Variants in RB1 observed in about 807,000 individuals in gnomAD.
RB1 encodes retinoblastoma-associated protein.
In RB1, 18 loss-of-function variants were observed where a neutral mutation model predicts 135.4. That is an observed-to-expected ratio of 0.13 (90% CI 0.09 to 0.20). The LOEUF (loss-of-function observed/expected upper bound fraction) is 0.20. Among genes scored for constraint, RB1 ranks in the 10% least tolerant of loss-of-function variants. The pLI is 1.00. For synonymous variants in RB1, 365 were observed against 373.2 expected (o/e 0.98, Z 0.25); for missense variants, 868 against 1,110.0 (o/e 0.78, Z 3.10).
Position 48,303,974 on chromosome 13 carries a change from C to G in RB1, c.62C>G (p.Pro21Arg), listed in dbSNP as rs1444353743. Reference protein sequence around the residue: ...ATAAAAAAEPPAPPPPPPPEE... With the variant: ...ATAAAAAAEPRAPPPPPPPEE... ...GCCGCCGCTGCCGCCGCGGAACCCCCGGCACCGCCGCCGCCGCCCCCTCCT... is the reference window on the plus strand; with the variant it reads ...GCCGCCGCTGCCGCCGCGGAACCCCGGGCACCGCCGCCGCCGCCCCCTCCT... Residue 21 changes from proline (P) to arginine (R), a missense_variant, in exon 1 of 27, where the codon CCG becomes CGG. By Grantham distance (103) the Pro-to-Arg change is moderately radical. Coordinates refer to ENST00000267163, the MANE Select transcript of RB1 (RefSeq NM_000321.3). 6.7e-7 allele frequency: 1 copy of G among 1,502,710 alleles called. No individual in the cohort carries two copies. The highest frequency in any genetic ancestry group is 8.8e-7 in the Non-Finnish European group (1 of 1,133,664). 93.1% of individuals were successfully genotyped at this position (1,502,710 alleles called of 1,614,324 possible).
intron 7 of RB1, 95 bp downstream of exon 7, chr13:48,360,222 A>G (rs1402441239): frequency 6.4e-7 from 1 of 1,564,900 alleles, no homozygotes; most frequent in Non-Finnish European, 8.6e-7. Flanking sequence ...GGCTGACAGG[A>G]TGATAAAAAA....
At position 48,476,657 on chromosome 13, in the gene RB1, A is replaced by G. The variant is rs754015346; in HGVS notation, c.2521-44A>G. The G allele has an allele frequency of 2.5e-6, 4 of 1,591,102 alleles. No homozygotes were observed. The African/African-American group carries it at 5.4e-5, about 21-fold the overall frequency. On this transcript the variant is annotated intron_variant, in intron 24 of 26. Coordinates refer to ENST00000267163, the MANE Select transcript of RB1 (RefSeq NM_000321.3). Reference sequence around the variant, plus strand: ...AACTTGAGGTTGCTAACTATGAAACACTGGCATTTAATGATTTAAAGTAAA... The same window carrying G: ...AACTTGAGGTTGCTAACTATGAAACGCTGGCATTTAATGATTTAAAGTAAA...
At chr13:48,368,695 A>T in intron 11 of RB1, 91 bp downstream of exon 11, 1 of 1,507,586 alleles carries the variant, frequency 6.6e-7, no homozygotes, top group Non-Finnish European at 8.9e-7. Flanking sequence ...TTATGTATTC[A>T]TACATACATG....
At chr13:48,311,515 A>G (rs183415271) in intron 2 of RB1, among the ~76,000 whole-genome samples, 15 of 152,322 alleles carry the variant, frequency 9.8e-5, no homozygotes, top group African/African-American at 3.6e-4. Flanking sequence ...ATGTTACTGT[A>G]CTGAACATTG....
At chr13:48,476,017 A>G (rs975175398) in intron 24 of RB1, among the ~76,000 whole-genome samples, 4 of 152,218 alleles carry the variant, frequency 2.6e-5, no homozygotes, top group African/African-American at 7.2e-5. Context: ...TATACATTTA[A>G]TAGCAGCACG....
At chr13:48,323,526 C>T (rs923567132) in intron 2 of RB1, among the ~76,000 whole-genome samples, 4 of 151,720 alleles carry the variant, frequency 2.6e-5, no homozygotes, top group East Asian at 3.9e-4. Context: ...TTTGATCAAA[C>T]GATTTTTCCC....
chr13:48,411,603 G>C (rs767155699), intron 17 of RB1: 1 of 1,611,688 alleles, frequency 6.2e-7, no homozygotes, highest in East Asian at 2.2e-5. Flanking sequence ...GAGAGTGATT[G>C]GGTACATTGT....
At chr13:48,413,942 G>C (rs1948862566) in intron 17 of RB1, among the ~76,000 whole-genome samples, 2 of 152,028 alleles carry the variant, frequency 1.3e-5, no homozygotes. Context: ...CTTCCTCCCA[G>C]CTCTTCCCTT....
At chr13:48,454,027 A>G (rs911308404) in intron 18 of RB1, among the ~76,000 whole-genome samples, 6 of 152,224 alleles carry the variant, frequency 3.9e-5, no homozygotes, top group Admixed American at 6.5e-5. Context: ...CACAAAAGCA[A>G]TCACTAACTG....
chr13:48,308,601 C>T (rs1407959534), intron 2 of RB1, among the ~76,000 whole-genome samples: 1 of 151,208 alleles, frequency 6.6e-6, no homozygotes, highest in Admixed American at 6.6e-5. Flanking sequence ...TGCAGTGAGC[C>T]GTGATCATGC....
intron 1 of RB1, among the ~76,000 whole-genome samples, chr13:48,304,366 C>CA (rs770890160): frequency 2.3e-4 from 35 of 151,820 alleles, no homozygotes; most frequent in Non-Finnish European, 3.5e-4. Context: ...CCATCAGACG[C>CA]AAAAAATGAA....
intron 17 of RB1, among the ~76,000 whole-genome samples, chr13:48,423,462 A>G (rs1221436799): frequency 6.6e-6 from 1 of 152,186 alleles, no homozygotes; most frequent in African/African-American, 2.4e-5. Context: ...TGCACAAGAA[A>G]CATGTATAAG....
At chr13:48,363,600 C>T (rs567067590) in intron 8 of RB1, among the ~76,000 whole-genome samples, 3 of 152,198 alleles carry the variant, frequency 2.0e-5, no homozygotes, top group Non-Finnish European at 4.4e-5. Context: ...TTAGAAAACT[C>T]TAGTGCTCTA....
chr13:48,334,274 C>G (rs1952363724), intron 2 of RB1, among the ~76,000 whole-genome samples: 2 of 152,290 alleles, frequency 1.3e-5, no homozygotes, highest in South Asian at 4.1e-4. Context: ...CCACTCTTGC[C>G]TTTTACTTCT....
In RB1 at chr13:48,459,690, T is replaced by G. The variant is rs2138335795; in HGVS notation, c.1963T>G (p.Tyr655Asp). 1 of 1,614,070 alleles carries G rather than the reference T, an allele frequency of 6.2e-7. No individual in the cohort carries two copies. Among genetic ancestry groups the G allele is most frequent in the Non-Finnish European group, 8.5e-7 (1 of 1,179,988 alleles). The change falls in exon 20 of 27, where the codon TAT becomes GAT. Residue 655 changes from tyrosine (Y) to aspartate (D), a missense_variant and splice_region_variant. By Grantham distance (160) the Tyr-to-Asp change is radical. Transcript: ENST00000267163. ...ACTAATTTTTCTTATTCCCACAGTGTATCGGCTAGCCTATCTCCGGCTAAA... is the reference window on the plus strand; with the variant it reads ...ACTAATTTTTCTTATTCCCACAGTGGATCGGCTAGCCTATCTCCGGCTAAA... ...TSLSLFYKKV[Y>D]RLAYLRLNTL...
At chr13:48,305,999 A>G (rs961352382) in intron 1 of RB1, among the ~76,000 whole-genome samples, 4 of 152,212 alleles carry the variant, frequency 2.6e-5, no homozygotes, top group African/African-American at 7.2e-5. Flanking sequence ...GCTGGGTGTG[A>G]TGGCGCGTAC....
chr13:48,404,424 A>G (rs1370588717), intron 17 of RB1, among the ~76,000 whole-genome samples: 1 of 116,224 alleles, frequency 8.6e-6, no homozygotes, highest in Non-Finnish European at 1.8e-5. Flanking sequence ...GGAGGAGAGA[A>G]AATAATAAAA....
intron 17 of RB1, among the ~76,000 whole-genome samples, chr13:48,391,811 G>A (rs889258582): frequency 2.0e-5 from 3 of 151,886 alleles, no homozygotes; most frequent in African/African-American, 7.3e-5. Flanking sequence ...TAGAGAAAGG[G>A]TTTCACCATG....
chr13:48,480,154 T>C lies in RB1; in HGVS notation c.*83T>C, dbSNP rs1251058708. On this transcript the variant is annotated 3_prime_UTR_variant, in exon 27 of 27. Coordinates refer to ENST00000267163, the MANE Select transcript of RB1 (RefSeq NM_000321.3). ...ATGTGACTGTATAACTTTCCCAGGT[T>C]CTGTTTATGGCCACATTTAATATCT... The C allele has an allele frequency of 5.1e-6, 6 of 1,177,424 alleles. No homozygotes were observed. Among genetic ancestry groups the C allele is most frequent in the Non-Finnish European group, 6.3e-6 (5 of 793,918 alleles). The allele number at this position is 1,177,424 out of a possible 1,614,324, so 72.9% of individuals were successfully genotyped here. A position where few individuals can be genotyped will look rare whatever the true frequency, so the allele number is the denominator to read the frequency against.
Sources: allele counts gnomAD v4.1 joint callset (sites outside exome capture counted in the v4.1 genomes callset), GRCh38; gene constraint gnomAD v4.1.1; transcripts MANE v1.5; gene names NCBI Gene and HGNC (gene_info 2026-07-23, HGNC 2026-07-21).